FER: variants seen among roughly 807,000 people sequenced by gnomAD.
FER encodes FER tyrosine kinase.
A neutral mutation model predicts 111.0 loss-of-function variants in FER; 63 were observed. That is an observed-to-expected ratio of 0.57 (90% CI 0.46 to 0.70). FER has a LOEUF of 0.70. Ranked by LOEUF, FER falls within the 30% of genes least tolerant of loss-of-function variation. The pLI is 0.00. For missense variants in FER, 914 were observed against 954.0 expected (o/e 0.96, Z 0.55); for synonymous variants, 327 against 313.9 (o/e 1.04, Z -0.44).
intron 17 of FER, among the ~76,000 whole-genome samples, chr5:109,151,132 T>C (rs1482206198): frequency 6.6e-6 from 1 of 152,160 alleles, no homozygotes; most frequent in Non-Finnish European, 1.5e-5. Flanking sequence ...TGCCGTGCTA[T>C]ACTTTTTTGA....
At position 109,096,291 on chromosome 5, in the gene FER, T is replaced by C. The variant is rs368322866; in HGVS notation, c.1925-4105T>C. Among the ~76,000 whole-genome samples the C allele has an allele frequency of 1.2e-3, 187 of 152,140 alleles. 3 individuals carry two copies. The South Asian group carries it at 0.038, about 31-fold the overall frequency. On this transcript the variant is annotated intron_variant, in intron 16 of 19. Transcript: ENST00000281092. ...CTACTTGTTTCAGATATTTAATATA[T>C]ATATTTAATCCTCAAAGTGACCTTC...
intron 5 of FER, among the ~76,000 whole-genome samples, chr5:108,858,095 A>G (rs1294028422): frequency 6.6e-6 from 1 of 152,190 alleles, no homozygotes; most frequent in Non-Finnish European, 1.5e-5. Context: ...GTACACATTC[A>G]TGTACACCTG....
In FER at chr5:109,178,492, G is replaced by A. The variant is rs368162941; in HGVS notation, c.2049-2255G>A. On this transcript the variant is annotated intron_variant, in intron 17 of 19. Coordinates refer to ENST00000281092, the MANE Select transcript of FER (RefSeq NM_005246.4). Reference sequence around the variant, plus strand: ...GTACTAACAGTGAAATCCTATACACGACTAAAGTGTTGCAGTGACTGAAAA... The same window carrying A: ...GTACTAACAGTGAAATCCTATACACAACTAAAGTGTTGCAGTGACTGAAAA... Among the ~76,000 whole-genome samples, 9 of 152,258 alleles carry A rather than the reference G, an allele frequency of 5.9e-5. No individual in the cohort carries two copies. In the East Asian group the frequency reaches 7.7e-4, roughly 13 times the overall value.
intron 16 of FER, among the ~76,000 whole-genome samples, chr5:109,076,385 A>C (rs1410327883): frequency 1.3e-5 from 2 of 152,076 alleles, no homozygotes; most frequent in Non-Finnish European, 2.9e-5. Flanking sequence ...CCACTGGATA[A>C]TTAGCAGATT....
intron 3 of FER, among the ~76,000 whole-genome samples, chr5:108,809,676 T>C (rs1757549666): frequency 6.6e-6 from 1 of 152,148 alleles, no homozygotes; most frequent in Admixed American, 6.5e-5. Flanking sequence ...AATCCTCCTA[T>C]CTTAGCCTCC....
chr5:109,180,691 G>A, intron 17 of FER, 56 bp from the exon 18 acceptor site: 1 of 1,538,162 alleles, frequency 6.5e-7, no homozygotes, highest in South Asian at 1.3e-5. Context: ...TCATAAATGT[G>A]AAAGTGGCTT....
intron 3 of FER, among the ~76,000 whole-genome samples, chr5:108,828,815 T>C (rs1759738423): frequency 6.6e-6 from 1 of 152,200 alleles, no homozygotes; most frequent in Non-Finnish European, 1.5e-5. Flanking sequence ...AGAATTAGCT[T>C]GCAGCTGGGT....
chr5:109,065,542 A>G (rs1002106837), intron 16 of FER, among the ~76,000 whole-genome samples: 7 of 152,304 alleles, frequency 4.6e-5, no homozygotes, highest in Middle Eastern at 3.4e-3. Flanking sequence ...GGAAGCGATG[A>G]AGCTTATGCA....
chr5:109,088,847 A>G (rs1413481604), intron 16 of FER, among the ~76,000 whole-genome samples: 1 of 152,196 alleles, frequency 6.6e-6, no homozygotes, highest in Non-Finnish European at 1.5e-5. Context: ...GGATGAAGTT[A>G]TCAAGACCTC....
chr5:108,872,307 A>C, intron 8 of FER, 95 bp downstream of exon 8: 1 of 1,215,952 alleles, frequency 8.2e-7, no homozygotes, highest in Non-Finnish European at 1.1e-6. Flanking sequence ...TTTTACAAGT[A>C]TTGAACAGTA....
At chr5:108,913,972 G>A (rs1335126367) in intron 10 of FER, among the ~76,000 whole-genome samples, 1 of 152,140 alleles carries the variant, frequency 6.6e-6, no homozygotes, top group Non-Finnish European at 1.5e-5. Flanking sequence ...TTCGATTTTA[G>A]AATAGTGGTT....
chr5:108,932,785 C>G (rs553998706), intron 10 of FER, among the ~76,000 whole-genome samples: 3 of 149,640 alleles, frequency 2.0e-5, no homozygotes, highest in Non-Finnish European at 4.4e-5. Context: ...TGATGATGAG[C>G]TTTTTTTTGT....
At chr5:109,090,172 G>T (rs1778009031) in intron 16 of FER, among the ~76,000 whole-genome samples, 1 of 152,126 alleles carries the variant, frequency 6.6e-6, no homozygotes, top group Non-Finnish European at 1.5e-5. Flanking sequence ...ACTTGCTGTG[G>T]CAATGCCACA....
At chr5:108,995,627 G>A (rs1172861322) in intron 13 of FER, among the ~76,000 whole-genome samples, 2 of 152,196 alleles carry the variant, frequency 1.3e-5, no homozygotes, top group South Asian at 2.1e-4. Flanking sequence ...AGTATTCCAT[G>A]GTGTATATGT....
Position 108,871,496 on chromosome 5 carries a change from T to C in FER, c.797T>C (p.Val266Ala), listed in dbSNP as rs1428306177. ...PSTEYNNFID[V>A]HRTTAAKEQE... ...ACAGAATACAATAATTTCATAGATG[T>C]TCACAGGTATGACATGTTTATTCCT... Residue 266 changes from valine to alanine, a missense_variant, in exon 7 of 20, where the codon GTT (valine) becomes GCT (alanine). Physicochemically the swap from Val to Ala is moderately conservative, Grantham distance 64. This residue lies in a region of FER where 774 missense variants were observed against 782.6 expected (regional missense o/e 0.99). Transcript: ENST00000281092. 1 of 1,602,994 alleles carries C rather than the reference T, an allele frequency of 6.2e-7. No individual in the cohort carries two copies.
intron 11 of FER, among the ~76,000 whole-genome samples, chr5:108,948,331 A>G (rs1464743656): frequency 3.3e-5 from 5 of 152,094 alleles, no homozygotes; most frequent in Non-Finnish European, 7.4e-5. Flanking sequence ...TTTTCATCTG[A>G]ATATTGTATT....
chr5:108,863,268 C>A (rs984053245), intron 5 of FER, among the ~76,000 whole-genome samples: 2 of 152,058 alleles, frequency 1.3e-5, no homozygotes, highest in African/African-American at 4.8e-5. Flanking sequence ...CACAGGCATG[C>A]ACCACCACAC....
intron 14 of FER, among the ~76,000 whole-genome samples, chr5:109,043,836 T>C (rs1372614151): frequency 2.6e-5 from 4 of 151,932 alleles, no homozygotes; most frequent in Non-Finnish European, 5.9e-5. Flanking sequence ...CTGGGTGTGG[T>C]GGTGTGCGCC....
At chr5:108,887,531 T>C (rs115472178) in intron 9 of FER, among the ~76,000 whole-genome samples, 6,079 of 151,688 alleles carry the variant, frequency 0.04, 177 homozygotes, top group South Asian at 0.11. Flanking sequence ...TTAAAAAATA[T>C]AGAATGAAAG....
Sources: gnomAD v4.1 joint callset for allele counts (sites outside exome capture counted in the v4.1 genomes callset) on GRCh38, gnomAD v4.1.1 for gene constraint, gnomAD v4.1.1 regional missense constraint, MANE v1.5 for transcripts, NCBI Gene and HGNC (gene_info 2026-07-23, HGNC 2026-07-21) for gene names.